Variants in ACSL3 observed in about 807,000 individuals in gnomAD.
The protein encoded by ACSL3 is fatty acid CoA ligase Acsl3.
ACSL3 carries 34 observed loss-of-function variants against 84.7 expected under a neutral mutation model. That is an observed-to-expected ratio of 0.40 (90% CI 0.31 to 0.53). The LOEUF (loss-of-function observed/expected upper bound fraction) is 0.53. Among genes scored for constraint, ACSL3 ranks in the 20% least tolerant of loss-of-function variants. ACSL3 has a pLI of 0.48. For missense variants in ACSL3, 680 were observed against 873.1 expected, an observed-to-expected ratio of 0.78 and a Z score of 2.79; for synonymous variants, 315 against 299.4, an observed-to-expected ratio of 1.05 and a Z score of -0.54.
chr2:222,924,245 G>T (rs1340461371), intron 10 of ACSL3, among the ~76,000 whole-genome samples: 1 of 152,092 alleles, frequency 6.6e-6, no homozygotes, highest in East Asian at 1.9e-4. Flanking sequence ...TAAACTAATT[G>T]TGGTTCGATT....
intron 2 of ACSL3, among the ~76,000 whole-genome samples, chr2:222,894,762 T>C (rs907909189): frequency 1.3e-5 from 2 of 152,204 alleles, no homozygotes; most frequent in African/African-American, 4.8e-5. Flanking sequence ...GTTGGCAAGG[T>C]ATCATAGAAG....
intron 12 of ACSL3, 104 bp downstream of exon 12, chr2:222,927,293 T>A: frequency 8.4e-7 from 1 of 1,184,666 alleles, no homozygotes; most frequent in South Asian, 1.7e-5. Flanking sequence ...AAGGTGTTTG[T>A]GAGGCAGAAT....
At chr2:222,873,520 T>C (rs998005680) in intron 1 of ACSL3, among the ~76,000 whole-genome samples, 1 of 152,208 alleles carries the variant, frequency 6.6e-6, no homozygotes, top group African/African-American at 2.4e-5. Flanking sequence ...TCTAAGAATG[T>C]GTGTTTGATG....
intron 3 of ACSL3, among the ~76,000 whole-genome samples, chr2:222,901,943 CAAAAAAA>C (rs765995360): frequency 0.25 from 3,072 of 12,378 alleles, 170 homozygotes; most frequent in Middle Eastern, 0.41. Context: ...GACTCGGTCT[CAAAAAAA>C]AAAAAAAAAA....
chr2:222,936,691 A>G (rs1312367563), intron 16 of ACSL3, among the ~76,000 whole-genome samples: 2 of 132,892 alleles, frequency 1.5e-5, no homozygotes, highest in African/African-American at 2.9e-5. Context: ...TCACACTGCT[A>G]TAAAGACATA....
intron 4 of ACSL3, among the ~76,000 whole-genome samples, chr2:222,914,832 A>G (rs1393406394): frequency 6.6e-6 from 1 of 152,244 alleles, no homozygotes; most frequent in Non-Finnish European, 1.5e-5. Context: ...TCTAAATGTA[A>G]TATTTATGAA....
intron 7 of ACSL3, 22 bp downstream of exon 7, chr2:222,919,224 C>G (rs570587981): frequency 1.2e-5 from 20 of 1,611,318 alleles, no homozygotes; most frequent in Middle Eastern, 1.7e-4. Flanking sequence ...TTTTCTAATT[C>G]CTTACCTGTG....
At position 222,908,745 on chromosome 2, in the gene ACSL3, G is replaced by A; in HGVS notation, c.-28G>A. 1.9e-6 allele frequency: 3 copies of A among 1,552,302 alleles called. No homozygotes were observed. The highest frequency in any genetic ancestry group is 1.7e-6 in the Non-Finnish European group (2 of 1,159,958). ...TTCTTCCTCCTAGATTCTCGCTGAA[G>A]TCTGTTAATTCTACTTTTTGAGTAC... On this transcript the variant is annotated 5_prime_UTR_variant, in exon 4 of 17. Transcript: ENST00000357430.
chr2:222,922,583 A>G (rs1200547342), intron 8 of ACSL3, 125 bp from the exon 9 acceptor site: 21 of 1,168,834 alleles, frequency 1.8e-5, no homozygotes, highest in Admixed American at 6.6e-5. Flanking sequence ...AAACACATAC[A>G]CACTTGACCA....
Position 222,909,006 on chromosome 2 carries a change from T to C in ACSL3, c.234T>C (p.Ala78=). Residue 78 remains alanine, a synonymous_variant, in exon 4 of 17, where the codon GCT becomes GCC. Coordinates refer to ENST00000357430, the MANE Select transcript of ACSL3 (RefSeq NM_004457.5). ...CTGTTAATAGTTTGGATGGTTTGGCTTCAGTATTATACCCTGGATGTGATA... is the reference window on the plus strand; with the variant it reads ...CTGTTAATAGTTTGGATGGTTTGGCCTCAGTATTATACCCTGGATGTGATA... ...YRSVNSLDGL[A]SVLYPGCDTL... The C allele has an allele frequency of 6.2e-7, 1 of 1,613,852 alleles. No homozygotes were observed. Among genetic ancestry groups the C allele is most frequent in the South Asian group, 1.1e-5 (1 of 90,966 alleles).
chr2:222,926,083 C>T (rs1306602317), intron 11 of ACSL3, among the ~76,000 whole-genome samples: 1 of 152,068 alleles, frequency 6.6e-6, no homozygotes, highest in African/African-American at 2.4e-5. Flanking sequence ...TAGATTCAAC[C>T]AACCGTGGAT....
intron 6 of ACSL3, 78 bp from the exon 7 acceptor site, chr2:222,918,985 CG>C: frequency 2.0e-6 from 3 of 1,513,802 alleles, no homozygotes; most frequent in Non-Finnish European, 2.7e-6. Flanking sequence ...AATGATTCAC[CG>C]AATATGGTAA....
chr2:222,921,017 A>G (rs777404934), intron 7 of ACSL3: 14 of 570,474 alleles, frequency 2.5e-5, no homozygotes, highest in South Asian at 6.1e-5. Context: ...TTCCATCCAA[A>G]TAGCATCTAT....
intron 1 of ACSL3, among the ~76,000 whole-genome samples, chr2:222,875,199 C>G (rs553299020): frequency 6.6e-5 from 10 of 152,154 alleles, no homozygotes; most frequent in African/African-American, 2.4e-4. Flanking sequence ...TGTCTCCTTC[C>G]AGCTCTCTGA....
chr2:222,936,280 A>G (rs888724842), intron 16 of ACSL3, among the ~76,000 whole-genome samples: 1 of 152,080 alleles, frequency 6.6e-6, no homozygotes, highest in African/African-American at 2.4e-5. Context: ...CAGAAATGAG[A>G]TTGTTAGATC....
intron 5 of ACSL3, chr2:222,917,462 G>A (rs987741678): frequency 9.9e-5 from 15 of 152,150 alleles, no homozygotes; most frequent in African/African-American, 3.6e-4. Context: ...TTTCTTTTGA[G>A]GAGCTTTAAA....
intron 4 of ACSL3, among the ~76,000 whole-genome samples, chr2:222,911,458 T>C (rs1286000821): frequency 6.6e-6 from 1 of 152,274 alleles, no homozygotes; most frequent in African/African-American, 2.4e-5. Flanking sequence ...TTTCTACTTT[T>C]CTATCTGCTT....
At chr2:222,874,228 TTGGCCAGAC>T (rs977290146) in intron 1 of ACSL3, among the ~76,000 whole-genome samples, 5 of 152,168 alleles carry the variant, frequency 3.3e-5, no homozygotes, top group African/African-American at 1.2e-4. Context: ...CTTCACTATG[TTGGCCAGAC>T]TGGTCTTGAA....
chr2:222,934,803 C>A, intron 16 of ACSL3, 116 bp downstream of exon 16: 1 of 1,119,798 alleles, frequency 8.9e-7, no homozygotes, highest in Non-Finnish European at 1.3e-6. Flanking sequence ...CCATTTCTAC[C>A]GTTAGTATAT....
Sources: allele counts gnomAD v4.1 joint callset (sites outside exome capture counted in the v4.1 genomes callset), GRCh38; gene constraint gnomAD v4.1.1; transcripts MANE v1.5; gene names NCBI Gene and HGNC (gene_info 2026-07-23, HGNC 2026-07-21).